Variants in LUZP2 observed in about 807,000 individuals in gnomAD.
LUZP2 encodes leucine zipper protein 2.
LUZP2 carries 52 observed loss-of-function variants against 51.6 expected under a neutral mutation model. The ratio of observed to expected loss-of-function variants is 1.01; its 90% CI spans 0.81 to 1.27. The LOEUF (loss-of-function observed/expected upper bound fraction) is 1.27. LUZP2 is among the 50% of genes most tolerant of loss of function. LUZP2 has a pLI of 0.00. For missense variants in LUZP2, 436 were observed against 395.4 expected (o/e 1.10, Z -0.87); for synonymous variants, 154 against 137.3 (o/e 1.12, Z -0.85).
chr11:24,937,769 C>T lies in LUZP2; in HGVS notation c.522+23231C>T, dbSNP rs568029796. On this transcript the variant is annotated intron_variant, in intron 7 of 11. Transcript: ENST00000336930. ...ACAAAAAATTAGCCGGGCGTGGTGGCGGGCGCCCGTAGTTCCAGACACATG... is the reference window on the plus strand; with the variant it reads ...ACAAAAAATTAGCCGGGCGTGGTGGTGGGCGCCCGTAGTTCCAGACACATG... Among the ~76,000 whole-genome samples, 231 of 151,980 alleles carry T rather than the reference C, an allele frequency of 1.5e-3. 2 individuals are homozygous for T. The highest frequency in any genetic ancestry group is 4.7e-3 in the African/African-American group (194 of 41,478).
intron 1 of LUZP2, among the ~76,000 whole-genome samples, chr11:24,690,239 A>G (rs996441490): frequency 6.6e-6 from 1 of 152,132 alleles, no homozygotes; most frequent in Non-Finnish European, 1.5e-5. Flanking sequence ...TGGAAAAAAA[A>G]TAAAAAGTCT....
intron 7 of LUZP2, among the ~76,000 whole-genome samples, chr11:24,954,291 T>C (rs1447036537): frequency 1.3e-5 from 2 of 152,054 alleles, no homozygotes; most frequent in African/African-American, 4.8e-5. Flanking sequence ...CGCAGGAGGT[T>C]GCCATGAAGC....
intron 7 of LUZP2, among the ~76,000 whole-genome samples, chr11:24,917,143 T>C (rs1323555798): frequency 6.6e-6 from 1 of 152,222 alleles, no homozygotes; most frequent in Non-Finnish European, 1.5e-5. Context: ...TTTTGAGAAG[T>C]GTCTGTTCAT....
chr11:24,637,976 C>T (rs960218340), intron 1 of LUZP2, among the ~76,000 whole-genome samples: 6 of 151,714 alleles, frequency 4.0e-5, no homozygotes, highest in Non-Finnish European at 8.8e-5. Context: ...CCATCATGGT[C>T]CTACCAATAT....
intron 1 of LUZP2, among the ~76,000 whole-genome samples, chr11:24,498,269 G>A (rs574211181): frequency 1.7e-4 from 26 of 152,258 alleles, no homozygotes; most frequent in African/African-American, 5.8e-4. Flanking sequence ...AAGTCTACGT[G>A]AATAGAAACA....
At chr11:24,852,816 C>T (rs1851437461) in intron 5 of LUZP2, among the ~76,000 whole-genome samples, 1 of 152,126 alleles carries the variant, frequency 6.6e-6, no homozygotes, top group Admixed American at 6.6e-5. Context: ...GATCCCTTTA[C>T]CATTATGTAA....
intron 5 of LUZP2, among the ~76,000 whole-genome samples, chr11:24,834,030 A>G (rs1044786784): frequency 6.6e-6 from 1 of 152,190 alleles, no homozygotes; most frequent in South Asian, 2.1e-4. Flanking sequence ...TTTTATAATT[A>G]CTAAAGTGTT....
At chr11:24,798,898 A>G (rs1849617995) in intron 5 of LUZP2, among the ~76,000 whole-genome samples, 1 of 152,080 alleles carries the variant, frequency 6.6e-6, no homozygotes, top group African/African-American at 2.4e-5. Context: ...CAAGGAGTTC[A>G]CCACATAGTT....
intron 1 of LUZP2, among the ~76,000 whole-genome samples, chr11:24,571,768 G>C (rs115932383): frequency 1.3e-5 from 2 of 151,882 alleles, no homozygotes. Flanking sequence ...GAGAAGTAAC[G>C]ACTGCTAAAT....
chr11:24,894,390 G>A (rs574783328), intron 5 of LUZP2, among the ~76,000 whole-genome samples: 1 of 151,962 alleles, frequency 6.6e-6, no homozygotes, highest in Non-Finnish European at 1.5e-5. Flanking sequence ...AGTCAGCCTG[G>A]TATCGAATTC....
intron 5 of LUZP2, among the ~76,000 whole-genome samples, chr11:24,856,394 T>C (rs1234029111): frequency 6.6e-6 from 1 of 152,078 alleles, no homozygotes; most frequent in African/African-American, 2.4e-5. Flanking sequence ...TACCATCTCA[T>C]GCCAGTCAGA....
At chr11:24,554,151 A>T (rs1326187634) in intron 1 of LUZP2, among the ~76,000 whole-genome samples, 1 of 152,200 alleles carries the variant, frequency 6.6e-6, no homozygotes, top group African/African-American at 2.4e-5. Flanking sequence ...TGTGAAAAGC[A>T]TAATTTGAAA....
chr11:24,759,643 G>C (rs1024398082), intron 4 of LUZP2, among the ~76,000 whole-genome samples: 1 of 152,142 alleles, frequency 6.6e-6, no homozygotes, highest in Admixed American at 6.6e-5. Flanking sequence ...ATTAATATAA[G>C]TAATATGGCT....
In LUZP2 at chr11:24,976,663, A is replaced by C; in HGVS notation, c.595A>C (p.Arg199=). 6.4e-7 allele frequency: 1 copy of C among 1,551,808 alleles called. No homozygotes were observed. Among genetic ancestry groups the C allele is most frequent in the Non-Finnish European group, 8.7e-7 (1 of 1,144,694 alleles). The change falls in exon 8 of 12, where the codon AGG becomes CGG. Residue 199 remains arginine, a splice_region_variant and synonymous_variant. Coordinates refer to ENST00000336930, the MANE Select transcript of LUZP2 (RefSeq NM_001009909.4). ...KNELEKAALD[R]ESQMKAMKET... ...TGAACTGGAGAAAGCAGCTCTTGAC[A>C]GGGTAAGTCTACATTCATGAACCAT...
chr11:24,531,282 T>A (rs1056706290), intron 1 of LUZP2, among the ~76,000 whole-genome samples: 16 of 150,676 alleles, frequency 1.1e-4, no homozygotes, highest in African/African-American at 3.4e-4. Flanking sequence ...TTTTAATTTT[T>A]AAGATGTTTA....
At chr11:24,747,715 T>C (rs1190253419) in intron 4 of LUZP2, among the ~76,000 whole-genome samples, 1 of 152,024 alleles carries the variant, frequency 6.6e-6, no homozygotes, top group Non-Finnish European at 1.5e-5. Flanking sequence ...AGACTCTCCT[T>C]GGGTGGGTCT....
intron 6 of LUZP2, among the ~76,000 whole-genome samples, chr11:24,909,845 A>G (rs1283961368): frequency 6.6e-6 from 1 of 152,292 alleles, no homozygotes; most frequent in African/African-American, 2.4e-5. Context: ...TGCTGTAATG[A>G]TACCTGAAAA....
intron 10 of LUZP2, among the ~76,000 whole-genome samples, chr11:25,065,042 G>C (rs1232630115): frequency 6.6e-6 from 1 of 152,020 alleles, no homozygotes; most frequent in African/African-American, 2.4e-5. Flanking sequence ...TAGTAAAAAA[G>C]AGAAACATGT....
At chr11:24,749,633 T>A (rs1859504258) in intron 4 of LUZP2, among the ~76,000 whole-genome samples, 1 of 152,170 alleles carries the variant, frequency 6.6e-6, no homozygotes, top group Admixed American at 6.6e-5. Context: ...AGATATAGAC[T>A]GATAAGTGAT....
Sources: allele counts gnomAD v4.1 joint callset (sites outside exome capture counted in the v4.1 genomes callset), GRCh38; gene constraint gnomAD v4.1.1; transcripts MANE v1.5; gene names NCBI Gene and HGNC (gene_info 2026-07-23, HGNC 2026-07-21).